Variants in KCNAB1 observed in about 807,000 individuals in gnomAD.
KCNAB1 encodes the protein voltage-gated potassium channel subunit beta-1.
Under a neutral mutation model 64.6 loss-of-function variants are expected in KCNAB1, and 35 were observed. The observed-to-expected ratio is 0.54, with a 90% confidence interval of 0.41 to 0.72. The LOEUF (loss-of-function observed/expected upper bound fraction) is 0.72. KCNAB1 is among the 30% of genes least tolerant of loss of function. The probability of loss-of-function intolerance (pLI) is 0.00; values close to 1 mark genes in which losing one functional copy is unlikely to be tolerated. For missense variants in KCNAB1, 401 were observed against 512.9 expected (o/e 0.78, Z 2.11); for synonymous variants, 177 against 183.8 (o/e 0.96, Z 0.30).
chr3:156,294,783 A>AT (rs1454745125), intron 1 of KCNAB1, among the ~76,000 whole-genome samples: 3 of 152,134 alleles, frequency 2.0e-5, no homozygotes, highest in Admixed American at 6.5e-5. Context: ...TTTAAAGGGG[A>AT]TCCCTAAATC....
intron 1 of KCNAB1, among the ~76,000 whole-genome samples, chr3:156,313,079 T>C (rs1722035338): frequency 6.6e-6 from 1 of 152,242 alleles, no homozygotes; most frequent in African/African-American, 2.4e-5. Flanking sequence ...GATGGTCTTA[T>C]ACTTCCACAG....
chr3:156,171,351 CTGAAGAATCCTAATCCATA>C (rs1175994601), intron 1 of KCNAB1, among the ~76,000 whole-genome samples: 2 of 152,236 alleles, frequency 1.3e-5, no homozygotes, highest in East Asian at 3.9e-4. Flanking sequence ...AATTGCTTTC[CTGAAGAATCCTAATCCATA>C]TGACTACATT....
chr3:156,338,225 T>C (rs1191065856), intron 1 of KCNAB1, among the ~76,000 whole-genome samples: 1 of 151,786 alleles, frequency 6.6e-6, no homozygotes, highest in Non-Finnish European at 1.5e-5. Flanking sequence ...GAACTCTCTT[T>C]TCTTCCTTTT....
rs188884124 is a variant in KCNAB1 at position 156,459,925 on chromosome 3, A to C, written c.482+54A>C. On this transcript the variant is annotated intron_variant, in intron 5 of 13. Coordinates refer to ENST00000490337, the MANE Select transcript of KCNAB1 (RefSeq NM_172160.3). Reference sequence around the variant, plus strand: ...TTAAAAAGGTATTATTTTGCACCAGAGAAGGAAAAATAAAATTATATGACA... The same window carrying C: ...TTAAAAAGGTATTATTTTGCACCAGCGAAGGAAAAATAAAATTATATGACA... 1.1e-3 allele frequency: 1,507 copies of C among 1,315,100 alleles called. 15 individuals are homozygous for C. In the Middle Eastern group the frequency reaches 0.014, roughly 13 times the overall value. The allele number at this position is 1,315,100 out of a possible 1,614,324, so 81.5% of individuals were successfully genotyped here.
chr3:156,434,415 C>T (rs1393234136), intron 2 of KCNAB1, among the ~76,000 whole-genome samples: 1 of 152,156 alleles, frequency 6.6e-6, no homozygotes, highest in African/African-American at 2.4e-5. Context: ...ATACAGACAG[C>T]CCATACGGAA....
Position 156,457,551 on chromosome 3 carries a change from G to C in KCNAB1, c.437+19G>C. On this transcript the variant is annotated intron_variant, in intron 4 of 13. Transcript: ENST00000490337. ...CTGGAAAGTAAGTCAGTACCTGTTTGTGTCACTCAAATGGCATCTGTAGCA... is the reference window on the plus strand; with the variant it reads ...CTGGAAAGTAAGTCAGTACCTGTTTCTGTCACTCAAATGGCATCTGTAGCA... 6.2e-7 allele frequency: 1 copy of C among 1,604,856 alleles called. No individual in the cohort carries two copies. Among genetic ancestry groups the C allele is most frequent in the Non-Finnish European group, 8.5e-7 (1 of 1,171,626 alleles).
At chr3:156,397,377 T>C (rs1713539264) in intron 1 of KCNAB1, among the ~76,000 whole-genome samples, 1 of 152,232 alleles carries the variant, frequency 6.6e-6, no homozygotes, top group South Asian at 2.1e-4. Flanking sequence ...ATACCTACCA[T>C]GCAGATTTGA....
At chr3:156,156,098 A>G (rs1715694744) in intron 1 of KCNAB1, among the ~76,000 whole-genome samples, 1 of 150,956 alleles carries the variant, frequency 6.6e-6, no homozygotes, top group African/African-American at 2.4e-5. Context: ...GTGGCCCAAG[A>G]CTCCCACCAT....
At chr3:156,339,304 G>T (rs978204940) in intron 1 of KCNAB1, among the ~76,000 whole-genome samples, 2 of 152,144 alleles carry the variant, frequency 1.3e-5, no homozygotes, top group Non-Finnish European at 2.9e-5. Flanking sequence ...AATAAAGTTT[G>T]CAGCAGTAAG....
Position 156,536,755 on chromosome 3 carries a change from C to T in KCNAB1, c.*8C>T. The T allele has an allele frequency of 1.3e-6, 2 of 1,572,876 alleles. No homozygotes were observed. The highest frequency in any genetic ancestry group is 1.8e-6 in the Non-Finnish European group (2 of 1,142,580). ...AAGGACTATAGATCATAAGGCAATG[C>T]ATGAACCACAGAAGCTGCATGGTTA... On this transcript the variant is annotated 3_prime_UTR_variant, in exon 14 of 14. Coordinates refer to ENST00000490337, the MANE Select transcript of KCNAB1 (RefSeq NM_172160.3).
chr3:156,120,783 C>G lies in KCNAB1; in HGVS notation c.172C>G (p.Arg58Gly). The G allele has an allele frequency of 6.2e-7, 1 of 1,614,234 alleles. No homozygotes were observed. Among genetic ancestry groups the G allele is most frequent in the South Asian group, 1.1e-5 (1 of 91,090 alleles). ...CTCAGGGGAAAGCCAGCTCAGGGCG[C>G]GTCAACTGGCTCTGCTGCGCGAAGT... ...SPSGESQLRARQLALLREVEM... is the reference protein window; with the variant it reads ...SPSGESQLRAGQLALLREVEM... Residue 58 changes from arginine to glycine, a missense_variant, in exon 1 of 14, where the codon CGT (arginine) becomes GGT (glycine). Arg to Gly is a moderately radical substitution (Grantham distance 125). Transcript: ENST00000490337.
intron 1 of KCNAB1, among the ~76,000 whole-genome samples, chr3:156,125,946 C>T (rs1026105392): frequency 1.8e-4 from 27 of 152,160 alleles, no homozygotes; most frequent in African/African-American, 6.3e-4. Context: ...AAACATTCAA[C>T]AGCCATTGAT....
chr3:156,145,279 C>G (rs1468782845), intron 1 of KCNAB1, among the ~76,000 whole-genome samples: 1 of 152,220 alleles, frequency 6.6e-6, no homozygotes, highest in Non-Finnish European at 1.5e-5. Context: ...AGCCAAGGCT[C>G]TAAATTATGA....
At chr3:156,174,738 C>T (rs1420499797) in intron 1 of KCNAB1, among the ~76,000 whole-genome samples, 1 of 152,214 alleles carries the variant, frequency 6.6e-6, no homozygotes, top group Admixed American at 6.5e-5. Context: ...CACAGGCCCT[C>T]TTATTCTCAT....
intron 1 of KCNAB1, among the ~76,000 whole-genome samples, chr3:156,184,103 A>G (rs764446313): frequency 3.3e-4 from 50 of 152,338 alleles, no homozygotes; most frequent in Non-Finnish European, 5.7e-4. Flanking sequence ...ATTATTGTAC[A>G]AGTGGTGATG....
intron 1 of KCNAB1, among the ~76,000 whole-genome samples, chr3:156,330,202 A>C (rs1723240942): frequency 1.3e-5 from 2 of 152,174 alleles, no homozygotes; most frequent in African/African-American, 2.4e-5. Context: ...TTATGATCAA[A>C]TCCATGTTGG....
At chr3:156,321,590 T>C (rs998330681) in intron 1 of KCNAB1, among the ~76,000 whole-genome samples, 1 of 152,258 alleles carries the variant, frequency 6.6e-6, no homozygotes, top group Admixed American at 6.5e-5. Context: ...TACAAGAATA[T>C]ACATTTCAGA....
intron 1 of KCNAB1, among the ~76,000 whole-genome samples, chr3:156,381,436 C>A (rs1203747892): frequency 6.6e-6 from 1 of 152,148 alleles, no homozygotes; most frequent in Admixed American, 6.5e-5. Context: ...GGAAGTGAAG[C>A]CTCCAGTGTA....
At chr3:156,443,767 C>CACAT (rs1553747625) in intron 2 of KCNAB1, among the ~76,000 whole-genome samples, 20 of 151,504 alleles carry the variant, frequency 1.3e-4, no homozygotes, top group African/African-American at 4.6e-4. Context: ...CACACACACA[C>CACAT]ACACACACAC....
Sources: allele counts gnomAD v4.1 joint callset (sites outside exome capture counted in the v4.1 genomes callset), GRCh38; gene constraint gnomAD v4.1.1; transcripts MANE v1.5; gene names NCBI Gene and HGNC (gene_info 2026-07-23, HGNC 2026-07-21).